The following KCNMA1 variants were observed in gnomAD, a reference collection of about 807,000 sequenced individuals.
KCNMA1 encodes potassium calcium-activated channel subfamily M alpha 1.
In KCNMA1, 29 loss-of-function variants were observed where a neutral mutation model predicts 140.0. The ratio of observed to expected loss-of-function variants is 0.21; its 90% confidence interval spans 0.15 to 0.28. The LOEUF is 0.28. KCNMA1 is among the 10% of genes least tolerant of loss of function. The probability of loss-of-function intolerance (pLI) is 1.00; values close to 1 mark genes in which losing one functional copy is unlikely to be tolerated. For missense variants in KCNMA1, 880 were observed against 1,602.2 expected (o/e 0.55, Z 7.70); for synonymous variants, 612 against 611.9 (o/e 1.00, Z 0.00).
chr10:77,148,639 T>G (rs2098359323), intron 5 of KCNMA1, among the ~76,000 whole-genome samples: 1 of 152,208 alleles, frequency 6.6e-6, no homozygotes, highest in Non-Finnish European at 1.5e-5. Flanking sequence ...GTTGCCAATT[T>G]TTTTCTGTAA....
chr10:77,625,515 C>T (rs2092369071), intron 1 of KCNMA1, among the ~76,000 whole-genome samples: 1 of 151,876 alleles, frequency 6.6e-6, no homozygotes. Context: ...ACCCATTAAA[C>T]ACTTCCCTCC....
At chr10:77,524,185 G>A (rs957462255) in intron 1 of KCNMA1, among the ~76,000 whole-genome samples, 1 of 152,228 alleles carries the variant, frequency 6.6e-6, no homozygotes, top group Non-Finnish European at 1.5e-5. Flanking sequence ...TGAAGTTATT[G>A]TGAGAATAGG....
chr10:77,247,900 G>A (rs2058894657), intron 3 of KCNMA1, among the ~76,000 whole-genome samples: 1 of 152,056 alleles, frequency 6.6e-6, no homozygotes, highest in African/African-American at 2.4e-5. Context: ...GAGCTCTGAG[G>A]ACAATCTGTC....
chr10:77,391,644 G>GT (rs750547902), intron 2 of KCNMA1, among the ~76,000 whole-genome samples: 4 of 134,830 alleles, frequency 3.0e-5, no homozygotes, highest in Admixed American at 7.6e-5. Context: ...TTGTTTGTTT[G>GT]TTTTTTTCTG....
chr10:77,463,813 G>C (rs2097923702), intron 1 of KCNMA1, among the ~76,000 whole-genome samples: 1 of 152,118 alleles, frequency 6.6e-6, no homozygotes, highest in African/African-American at 2.4e-5. Context: ...AGGAGCATGA[G>C]GGAAAGAAAG....
intron 1 of KCNMA1, among the ~76,000 whole-genome samples, chr10:77,424,050 C>T (rs1361807736): frequency 1.3e-5 from 2 of 152,172 alleles, no homozygotes; most frequent in Admixed American, 6.5e-5. Context: ...GGAAGACAAG[C>T]TTTTGGAGTC....
At chr10:77,247,185 G>T (rs1202715240) in intron 3 of KCNMA1, among the ~76,000 whole-genome samples, 1 of 152,138 alleles carries the variant, frequency 6.6e-6, no homozygotes, top group African/African-American at 2.4e-5. Flanking sequence ...GTTTAAACAT[G>T]AATCAAAGGA....
At chr10:77,176,940 G>A (rs1366393568) in intron 5 of KCNMA1, among the ~76,000 whole-genome samples, 1 of 152,158 alleles carries the variant, frequency 6.6e-6, no homozygotes, top group Non-Finnish European at 1.5e-5. Context: ...GTAATCACAA[G>A]AGTCCTTAAA....
intron 5 of KCNMA1, among the ~76,000 whole-genome samples, chr10:77,131,964 C>CAAAAAAAAAA: frequency 1.1e-5 from 1 of 92,510 alleles, no homozygotes; most frequent in Non-Finnish European, 2.2e-5. Flanking sequence ...GACTCGGTCT[C>CAAAAAAAAAA]AAAAAAAAAA....
intron 14 of KCNMA1, among the ~76,000 whole-genome samples, chr10:77,041,039 T>C (rs920264921): frequency 4.3e-4 from 66 of 152,258 alleles, no homozygotes; most frequent in Non-Finnish European, 8.8e-5. Context: ...TGGAGTACAG[T>C]GGTGGGATCT....
chr10:77,191,968 T>C (rs887528898), intron 3 of KCNMA1, among the ~76,000 whole-genome samples: 10 of 152,132 alleles, frequency 6.6e-5, no homozygotes, highest in African/African-American at 2.4e-4. Flanking sequence ...CACAAATATA[T>C]GTATTCCATG....
chr10:77,330,081 T>C (rs754725692), intron 2 of KCNMA1, among the ~76,000 whole-genome samples: 22 of 152,230 alleles, frequency 1.4e-4, no homozygotes, highest in Non-Finnish European at 4.4e-5. Context: ...GTACTGTTTC[T>C]AATATCTAAC....
chr10:77,550,832 C>T (rs986740564), intron 1 of KCNMA1, among the ~76,000 whole-genome samples: 2 of 152,144 alleles, frequency 1.3e-5, no homozygotes, highest in African/African-American at 4.8e-5. Flanking sequence ...TATTTTTATA[C>T]ATTTCCCCCC....
intron 1 of KCNMA1, among the ~76,000 whole-genome samples, chr10:77,451,873 T>C (rs187049453): frequency 3.9e-5 from 6 of 152,306 alleles, no homozygotes. Context: ...CAAAACATAT[T>C]TGAAATGTAT....
chr10:77,148,491 T>A (rs2098354762), intron 5 of KCNMA1, among the ~76,000 whole-genome samples: 1 of 151,756 alleles, frequency 6.6e-6, no homozygotes, highest in African/African-American at 2.4e-5. Context: ...TGTTTAATTC[T>A]GATGCTCAAC....
chr10:77,253,414 A>G (rs1329614082), intron 2 of KCNMA1, among the ~76,000 whole-genome samples: 1 of 152,208 alleles, frequency 6.6e-6, no homozygotes, highest in Admixed American at 6.5e-5. Flanking sequence ...TCTGTAAGGA[A>G]CTCAAAATCT....
intron 2 of KCNMA1, among the ~76,000 whole-genome samples, chr10:77,375,534 C>G (rs531923224): frequency 6.6e-6 from 1 of 152,208 alleles, no homozygotes; most frequent in East Asian, 1.9e-4. Context: ...TAGCATCCAC[C>G]GCACTGCAGT....
rs188909509 is a variant in KCNMA1, at chr10:77,571,297, G to A, written c.378+65968C>T. 2.0e-5 allele frequency among the ~76,000 whole-genome samples: 3 copies of A among 152,242 alleles called. No individual in the cohort carries two copies. In the East Asian group the frequency reaches 5.8e-4, roughly 29 times the overall value. ...GTGAAAGCTCATGCTTGAATGGCTG[G>A]GTTTTACCTACAGGAATCCATCAAG... On this transcript the variant is annotated intron_variant, in intron 1 of 27. Coordinates refer to ENST00000286628, the MANE Select transcript of KCNMA1 (RefSeq NM_001161352.2).
chr10:77,393,482 G>A (rs78950456), intron 2 of KCNMA1, among the ~76,000 whole-genome samples: 2,954 of 152,322 alleles, frequency 0.019, 45 homozygotes, highest in Non-Finnish European at 0.03. Flanking sequence ...AAGAGGCAGG[G>A]ACTATTATTG....
Sources: allele counts gnomAD v4.1 joint callset (sites outside exome capture counted in the v4.1 genomes callset), GRCh38; gene constraint gnomAD v4.1.1; transcripts MANE v1.5; gene names NCBI Gene and HGNC (gene_info 2026-07-23, HGNC 2026-07-21).